PAXIP1: variants seen among roughly 807,000 people sequenced by gnomAD.
PAXIP1 encodes the protein PAX interacting protein 1.
PAXIP1 carries 19 observed loss-of-function variants against 140.6 expected under a neutral mutation model. The observed-to-expected ratio is 0.14, with a 90% CI of 0.09 to 0.20. The LOEUF is 0.20. Among genes scored for constraint, PAXIP1 ranks in the 10% least tolerant of loss-of-function variants. The probability of loss-of-function intolerance (pLI) is 1.00; values close to 1 mark genes in which losing one functional copy is unlikely to be tolerated. For missense variants in PAXIP1, 920 were observed against 1,208.6 expected (o/e 0.76, Z 3.54); for synonymous variants, 442 against 444.6 (o/e 0.99, Z 0.07).
At chr7:155,000,314 C>T (rs1051075161) in intron 1 of PAXIP1, 1 of 152,198 alleles carries the variant, frequency 6.6e-6, no homozygotes, top group Non-Finnish European at 1.5e-5. Flanking sequence ...CTTCCCTTGA[C>T]CTCTAAGCAT....
At position 154,954,981 on chromosome 7, in the gene PAXIP1, A is replaced by G. The variant is rs1185747223; in HGVS notation, c.2652+548T>C. On this transcript the variant is annotated intron_variant, in intron 15 of 20. Transcript: ENST00000404141. This position sits in a 1 kb window ranked among gnomAD's most constrained non-coding sequence, Gnocchi z 5.1. The stretch of plus-strand genomic sequence containing the variant: ...AAAAAGGAAACCAGGAGTAAAATGT[A>G]CGAATCCACCATAATACAGGTCAAC... 6.6e-6 allele frequency among the ~76,000 whole-genome samples: 1 copy of G among 152,238 alleles called. No individual in the cohort carries two copies. Among genetic ancestry groups the G allele is most frequent in the Non-Finnish European group, 1.5e-5 (1 of 68,036 alleles).
chr7:154,972,345 C>G, intron 6 of PAXIP1, among the ~76,000 whole-genome samples: 1 of 152,162 alleles, frequency 6.6e-6, no homozygotes, highest in South Asian at 2.1e-4. Context: ...AAACATTAGC[C>G]GGGCGTGGTA....
At chr7:154,987,958 C>T (rs1021998364) in intron 4 of PAXIP1, among the ~76,000 whole-genome samples, 1 of 152,202 alleles carries the variant, frequency 6.6e-6, no homozygotes, top group African/African-American at 2.4e-5. Context: ...GCAATGATCA[C>T]AAGTGATTCT....
intron 15 of PAXIP1, among the ~76,000 whole-genome samples, chr7:154,955,243 C>T (rs903138970): frequency 1.3e-5 from 2 of 152,164 alleles, no homozygotes; most frequent in African/African-American, 2.4e-5. Flanking sequence ...GAATACGACA[C>T]AGAAGGAGAC....
chr7:154,995,957 C>G (rs1810582534), intron 2 of PAXIP1, among the ~76,000 whole-genome samples: 1 of 152,074 alleles, frequency 6.6e-6, no homozygotes, highest in African/African-American at 2.4e-5. Context: ...AGTTTTGGTG[C>G]CCAAAGAAGC....
At chr7:154,990,037 CTTT>C (rs749788206) in intron 4 of PAXIP1, among the ~76,000 whole-genome samples, 1 of 109,946 alleles carries the variant, frequency 9.1e-6, no homozygotes, top group Admixed American at 1.1e-4. Context: ...ATAAGTTTCT[CTTT>C]TTTTTTTTTT....
chr7:154,993,298 C>G (rs182812714), intron 3 of PAXIP1, among the ~76,000 whole-genome samples: 2 of 152,196 alleles, frequency 1.3e-5, no homozygotes, highest in East Asian at 3.8e-4. Context: ...CACAGGTGCA[C>G]TGAATTAATA....
chr7:154,963,591 T>C lies in PAXIP1; in HGVS notation c.1989+80A>G, dbSNP rs2272175. On this transcript the variant is annotated intron_variant, in intron 9 of 20. Coordinates refer to ENST00000404141, the MANE Select transcript of PAXIP1 (RefSeq NM_007349.4). The surrounding 1 kb of genome is among the most constrained non-coding windows in gnomAD (Gnocchi z 4.1). Reference sequence around the variant, plus strand: ...GGTAGAAAAAAGTTCTTTCCAAAAATAATAATCACTAGCATTTAAGATTGC... The same window carrying C: ...GGTAGAAAAAAGTTCTTTCCAAAAACAATAATCACTAGCATTTAAGATTGC... 22,464 of 951,966 alleles carry C rather than the reference T, an allele frequency of 0.024. 1,394 individuals are homozygous for C. The highest frequency in any genetic ancestry group is 0.16 in the East Asian group (6,184 of 37,786). 59.0% of individuals were successfully genotyped at this position (951,966 alleles called of 1,614,324 possible). A position where few individuals can be genotyped will look rare whatever the true frequency, so the allele number is the denominator to read the frequency against.
Position 154,963,829 on chromosome 7 carries a change from T to C in PAXIP1, c.1894-63A>G. ...CTCAGAATAGAGGAGAATTCCAATTTCAAATAAGGCAGCTATTAAAAGACT... is the reference window on the plus strand; with the variant it reads ...CTCAGAATAGAGGAGAATTCCAATTCCAAATAAGGCAGCTATTAAAAGACT... On this transcript the variant is annotated intron_variant, in intron 8 of 20. Coordinates refer to ENST00000404141, the MANE Select transcript of PAXIP1 (RefSeq NM_007349.4). The surrounding 1 kb of genome is among the most constrained non-coding windows in gnomAD (Gnocchi z 4.1). The C allele has an allele frequency of 9.3e-7, 1 of 1,078,724 alleles. No individual in the cohort carries two copies. Among genetic ancestry groups the C allele is most frequent in the Non-Finnish European group, 1.4e-6 (1 of 708,358 alleles). 66.8% of individuals were successfully genotyped at this position (1,078,724 alleles called of 1,614,324 possible).
chr7:154,968,334 A>G, intron 7 of PAXIP1, 69 bp downstream of exon 7: 2 of 1,357,938 alleles, frequency 1.5e-6, no homozygotes, highest in Non-Finnish European at 2.0e-6. Flanking sequence ...CCCACACTCA[A>G]ACACTCTCAA....
At chr7:154,972,530 T>C (rs1809377084) in intron 6 of PAXIP1, among the ~76,000 whole-genome samples, 1 of 152,136 alleles carries the variant, frequency 6.6e-6, no homozygotes, top group Admixed American at 6.5e-5. Flanking sequence ...AAGTAGTAAC[T>C]AACCAGCAGT....
In PAXIP1 at chr7:154,963,964, C is replaced by T. The variant is rs1808884025; in HGVS notation, c.1894-198G>A. 1.8e-6 allele frequency: 1 copy of T among 546,652 alleles called. No homozygotes were observed. The highest frequency in any genetic ancestry group is 1.9e-5 in the African/African-American group (1 of 52,760). The allele number at this position is 546,652 out of a possible 1,614,324, so 33.9% of individuals were successfully genotyped here. A position where few individuals can be genotyped will look rare whatever the true frequency, so the allele number is the denominator to read the frequency against. ...TACAATGAAAATGAACTCCAATACTCTAAATTTAATCTGAATTCCCAGGAT... is the reference window on the plus strand; with the variant it reads ...TACAATGAAAATGAACTCCAATACTTTAAATTTAATCTGAATTCCCAGGAT... On this transcript the variant is annotated intron_variant, in intron 8 of 20. Coordinates refer to ENST00000404141, the MANE Select transcript of PAXIP1 (RefSeq NM_007349.4). The surrounding 1 kb of genome is among the most constrained non-coding windows in gnomAD (Gnocchi z 4.1).
chr7:154,998,310 C>G (rs1810733592), intron 2 of PAXIP1, among the ~76,000 whole-genome samples: 1 of 152,114 alleles, frequency 6.6e-6, no homozygotes, highest in African/African-American at 2.4e-5. Flanking sequence ...GAATTCAAGA[C>G]AAGCCTGGCC....
chr7:154,954,689 T>A lies in PAXIP1; in HGVS notation c.2653-266A>T, dbSNP rs767784035. The stretch of plus-strand genomic sequence containing the variant: ...TTCTCCATCAAACATCAATAACATA[T>A]CTCCATGAATAAATTAAATGACATG... On this transcript the variant is annotated intron_variant, in intron 15 of 20. Coordinates refer to ENST00000404141, the MANE Select transcript of PAXIP1 (RefSeq NM_007349.4). The surrounding 1 kb of genome is among the most constrained non-coding windows in gnomAD (Gnocchi z 5.1). 2.6e-5 allele frequency among the ~76,000 whole-genome samples: 4 copies of A among 152,140 alleles called. No homozygotes were observed. Among genetic ancestry groups the A allele is most frequent in the African/African-American group, 2.4e-5 (1 of 41,428 alleles).
chr7:154,978,990 G>A (rs1467347905), intron 5 of PAXIP1, among the ~76,000 whole-genome samples: 3 of 152,102 alleles, frequency 2.0e-5, no homozygotes, highest in Non-Finnish European at 4.4e-5. Flanking sequence ...AAACACTTAG[G>A]TAAACAGCCT....
At position 154,975,696 on chromosome 7, in the gene PAXIP1, A is replaced by G. The variant is rs1485653439; in HGVS notation, c.1074T>C (p.His358=). 3.8e-6 allele frequency: 6 copies of G among 1,595,858 alleles called. No individual in the cohort carries two copies. The highest frequency in any genetic ancestry group is 1.7e-4 in the Middle Eastern group (1 of 6,048). ...QQMNRPSNVA[H]ILQTLSAPTK... is the part of the protein sequence containing the mutation. Reference sequence around the variant, plus strand: ...ATTTTTTTCGGAAAGAGTGACTTACATGTGCTACATTTGATGGCCGGTTCA... The same window carrying G: ...ATTTTTTTCGGAAAGAGTGACTTACGTGTGCTACATTTGATGGCCGGTTCA... Residue 358 remains histidine (H), a splice_region_variant and synonymous_variant, in exon 6 of 21, where the codon CAT becomes CAC. Transcript: ENST00000404141.
At chr7:154,992,841 A>G (rs1196158980) in intron 3 of PAXIP1, among the ~76,000 whole-genome samples, 1 of 152,248 alleles carries the variant, frequency 6.6e-6, no homozygotes, top group Non-Finnish European at 1.5e-5. Flanking sequence ...AACTGCTTGT[A>G]GAGGAATGTT....
At chr7:154,957,768 C>T (rs1471835898) in intron 13 of PAXIP1, among the ~76,000 whole-genome samples, 1 of 150,732 alleles carries the variant, frequency 6.6e-6, no homozygotes, top group Non-Finnish European at 1.5e-5. Context: ...GAGATCGAGA[C>T]CATCCTGGCT....
chr7:154,987,884 T>A (rs1289029282), intron 4 of PAXIP1, among the ~76,000 whole-genome samples: 2 of 152,194 alleles, frequency 1.3e-5, no homozygotes, highest in Non-Finnish European at 2.9e-5. Flanking sequence ...TCTCCATTTG[T>A]CAAAACTCCA....
Sources: gnomAD v4.1 joint callset for allele counts (sites outside exome capture counted in the v4.1 genomes callset) on GRCh38, gnomAD v4.1.1 for gene constraint, Gnocchi (gnomAD v3.1) non-coding constraint, MANE v1.5 for transcripts, NCBI Gene and HGNC (gene_info 2026-07-23, HGNC 2026-07-21) for gene names.